Variants in SNPH observed in about 807,000 individuals in gnomAD.
The protein encoded by SNPH is syntaphilin.
A neutral mutation model predicts 36.8 loss-of-function variants in SNPH; 10 were observed. The ratio of observed to expected loss-of-function variants is 0.27; its 90% CI spans 0.17 to 0.46. The LOEUF (loss-of-function observed/expected upper bound fraction) is 0.46. Ranked by LOEUF, SNPH falls within the 20% of genes least tolerant of loss-of-function variation. The probability of loss-of-function intolerance (pLI) is 1.00; values close to 1 mark genes in which losing one functional copy is unlikely to be tolerated. For missense variants in SNPH, 622 were observed against 744.0 expected, an observed-to-expected ratio of 0.84 and a Z score of 1.91; for synonymous variants, 281 against 312.2, an observed-to-expected ratio of 0.90 and a Z score of 1.05.
At chr20:1,298,098 C>T (rs1180095619) in intron 5 of SNPH, among the ~76,000 whole-genome samples, 8 of 152,204 alleles carry the variant, frequency 5.3e-5, no homozygotes, top group Non-Finnish European at 8.8e-5. Context: ...GCTTCCCCAG[C>T]ATTGAAATAC....
intron 2 of SNPH, among the ~76,000 whole-genome samples, chr20:1,293,624 G>A (rs1188756821): frequency 6.6e-6 from 1 of 152,152 alleles, no homozygotes; most frequent in Non-Finnish European, 1.5e-5. Flanking sequence ...CTTTGGGCCT[G>A]GGTGGCTTCT....
At position 1,296,113 on chromosome 20, in the gene SNPH, A is replaced by G. The variant is rs772624356; in HGVS notation, c.-127A>G. ...CTGATTACTTTTAGCCACTCCTGAC[A>G]GTTGTGGTTTTAAGTTGGGTGGTGG... is the stretch of plus-strand genomic sequence containing the variant. On this transcript the variant is annotated 5_prime_UTR_variant, in exon 4 of 7. Coordinates refer to ENST00000381867, the MANE Select transcript of SNPH (RefSeq NM_001318234.2). The G allele has an allele frequency of 3.3e-5, 24 of 726,460 alleles. No individual in the cohort carries two copies. Among genetic ancestry groups the G allele is most frequent in the Non-Finnish European group, 5.1e-5 (24 of 466,576 alleles). The allele number at this position is 726,460 out of a possible 1,614,324, so 45.0% of individuals were successfully genotyped here.
At chr20:1,300,190 G>A (rs1325109530) in intron 5 of SNPH, among the ~76,000 whole-genome samples, 1 of 152,188 alleles carries the variant, frequency 6.6e-6, no homozygotes. Flanking sequence ...TAACCTCTCT[G>A]AGGCCAGCGG....
intron 4 of SNPH, 84 bp from the exon 5 acceptor site, chr20:1,297,061 C>T: frequency 6.7e-7 from 1 of 1,495,748 alleles, no homozygotes; most frequent in Non-Finnish European, 8.9e-7. Context: ...GCACTTTGGG[C>T]CGCAGCGGCC....
At position 1,298,846 on chromosome 20, in the gene SNPH, A is replaced by G. The variant is rs865931529; in HGVS notation, c.290+1594A>G. 4.3e-4 allele frequency among the ~76,000 whole-genome samples: 47 copies of G among 108,446 alleles called. 1 individual carries two copies. The East Asian group carries it at 8.8e-3, about 20-fold the overall frequency. 71.1% of individuals were successfully genotyped at this position (108,446 alleles called of 152,430 possible). ...TGTGTGTGTGTGTGTGTGTGTGTGT[A>G]TACATATTTTTTTTTTTACAAAGAG... On this transcript the variant is annotated intron_variant, in intron 5 of 6. Coordinates refer to ENST00000381867, the MANE Select transcript of SNPH (RefSeq NM_001318234.2).
chr20:1,287,289 C>T (rs750016115), intron 2 of SNPH, among the ~76,000 whole-genome samples: 44 of 152,346 alleles, frequency 2.9e-4, no homozygotes, highest in Middle Eastern at 3.4e-3. Context: ...TGTTTCAATG[C>T]ATATTTTATT....
chr20:1,280,585 G>A (rs184285762), intron 2 of SNPH, among the ~76,000 whole-genome samples: 18 of 152,298 alleles, frequency 1.2e-4, no homozygotes, highest in Admixed American at 1.0e-3. Flanking sequence ...GCAGACTGAG[G>A]GACCCAGAGG....
intron 2 of SNPH, among the ~76,000 whole-genome samples, chr20:1,288,732 C>G (rs2122344442): frequency 6.6e-6 from 1 of 151,960 alleles, no homozygotes; most frequent in East Asian, 1.9e-4. Context: ...AGATATTCTC[C>G]TGTCTCAGCA....
intron 2 of SNPH, among the ~76,000 whole-genome samples, chr20:1,284,369 G>C (rs2088260396): frequency 6.6e-6 from 1 of 152,156 alleles, no homozygotes. Context: ...GATTTATTGA[G>C]GGCCTGTGGT....
rs1383712976 is a variant in SNPH at position 1,306,037 on chromosome 20, G to A, written c.1600G>A (p.Gly534Ser). 8.1e-6 allele frequency: 12 copies of A among 1,477,628 alleles called. No homozygotes were observed. The East Asian group carries it at 1.5e-4, about 18-fold the overall frequency. 91.5% of individuals were successfully genotyped at this position (1,477,628 alleles called of 1,614,324 possible). ...CCAGCCGAGTCCCAGCCCAGCGGGC[G>A]GCGGCTCCCAGCTCTGAGGGGGCCC... ...LSQPSPSPAG[G>S]GSQL The change falls in exon 7 of 7, where the codon GGC becomes AGC. Residue 534 changes from glycine (G) to serine (S), a missense_variant. Coordinates refer to ENST00000381867, the MANE Select transcript of SNPH (RefSeq NM_001318234.2).
chr20:1,306,392 T>C lies in SNPH; in HGVS notation c.*338T>C. The C allele has an allele frequency of 4.2e-6, 1 of 238,186 alleles. No individual in the cohort carries two copies. Among genetic ancestry groups the C allele is most frequent in the Non-Finnish European group, 8.0e-6 (1 of 125,576 alleles). The allele number at this position is 238,186 out of a possible 1,614,324, so 14.8% of individuals were successfully genotyped here. On this transcript the variant is annotated 3_prime_UTR_variant, in exon 7 of 7. Transcript: ENST00000381867. ...CTGCTCAGGAAGTCTCTGGCTGTCT[T>C]CATGTGGGGAAGCCGGGCTTGAGTT... is the stretch of plus-strand genomic sequence containing the variant.
intron 2 of SNPH, among the ~76,000 whole-genome samples, chr20:1,267,154 C>G (rs1275907601): frequency 6.6e-6 from 1 of 151,568 alleles, no homozygotes; most frequent in Admixed American, 6.6e-5. Context: ...ACCCCCACCC[C>G]AAGGTCAAGT....
chr20:1,266,584 G>C lies in SNPH; in HGVS notation c.-599-70G>C. The stretch of plus-strand genomic sequence containing the variant: ...GCGGCCCAGCTGTCAGCGGCCGGGG[G>C]CTCAGCTGCCTGGGTGTTCCCCGCC... On this transcript the variant is annotated intron_variant, in intron 1 of 6. Coordinates refer to ENST00000381867, the MANE Select transcript of SNPH (RefSeq NM_001318234.2). This position sits in a 1 kb window ranked among gnomAD's most constrained non-coding sequence, Gnocchi z 6.0. The C allele has an allele frequency of 5.0e-6, 7 of 1,407,896 alleles. No homozygotes were observed. The highest frequency in any genetic ancestry group is 6.4e-6 in the Non-Finnish European group (7 of 1,088,094). 87.2% of individuals were successfully genotyped at this position (1,407,896 alleles called of 1,614,324 possible). A position where few individuals can be genotyped will look rare whatever the true frequency, so the allele number is the denominator to read the frequency against.
chr20:1,268,111 G>T (rs929599300), intron 2 of SNPH, among the ~76,000 whole-genome samples: 4 of 152,168 alleles, frequency 2.6e-5, no homozygotes, highest in Non-Finnish European at 4.4e-5. Flanking sequence ...CCCTGCCAGG[G>T]GTAATGAATG....
chr20:1,283,724 G>A (rs545110361), intron 2 of SNPH, among the ~76,000 whole-genome samples: 30 of 152,254 alleles, frequency 2.0e-4, no homozygotes, highest in Admixed American at 3.3e-4. Flanking sequence ...TTCCTACCCC[G>A]AAGGTAGGCA....
intron 2 of SNPH, among the ~76,000 whole-genome samples, chr20:1,283,812 T>A (rs746825020): frequency 6.6e-6 from 1 of 152,144 alleles, no homozygotes; most frequent in Non-Finnish European, 1.5e-5. Context: ...GGGGCTGTGA[T>A]AGCAAGAAGG....
Position 1,266,373 on chromosome 20 carries a change from G to A in SNPH, c.-624G>A. ...GCAATTCGGCGGCCCCTGCAGGGCA[G>A]CTGAAGCCATGGAAGCCTCCGCAGG... is the stretch of plus-strand genomic sequence containing the variant. On this transcript the variant is annotated 5_prime_UTR_variant, in exon 1 of 7. Transcript: ENST00000381867. This position sits in a 1 kb window ranked among gnomAD's most constrained non-coding sequence, Gnocchi z 6.0. 9.2e-6 allele frequency: 3 copies of A among 326,186 alleles called. No homozygotes were observed. Among genetic ancestry groups the A allele is most frequent in the Non-Finnish European group, 1.1e-5 (2 of 180,912 alleles). 20.2% of individuals were successfully genotyped at this position (326,186 alleles called of 1,614,324 possible). A position where few individuals can be genotyped will look rare whatever the true frequency, so the allele number is the denominator to read the frequency against.
Position 1,306,493 on chromosome 20 carries a change from C to T in SNPH, c.*439C>T. On this transcript the variant is annotated 3_prime_UTR_variant, in exon 7 of 7. Transcript: ENST00000381867. ...ATGCCGTCTCTTCCAAGCCACCTTG[C>T]CCGCAGCCCAGGCTCCTGGGCCAGT... 6.4e-6 allele frequency: 1 copy of T among 157,004 alleles called. No homozygotes were observed. The allele number at this position is 157,004 out of a possible 1,614,324, so 9.7% of individuals were successfully genotyped here. A position where few individuals can be genotyped will look rare whatever the true frequency, so the allele number is the denominator to read the frequency against.
At chr20:1,297,375 G>A (rs977549551) in intron 5 of SNPH, 123 bp downstream of exon 5, 11 of 789,278 alleles carry the variant, frequency 1.4e-5, no homozygotes, top group Admixed American at 2.6e-5. Flanking sequence ...GCCGCTGGCC[G>A]TGTGACCTTG....
Sources: gnomAD v4.1 joint callset for allele counts (sites outside exome capture counted in the v4.1 genomes callset) on GRCh38, gnomAD v4.1.1 for gene constraint, Gnocchi (gnomAD v3.1) non-coding constraint, MANE v1.5 for transcripts, NCBI Gene and HGNC (gene_info 2026-07-23, HGNC 2026-07-21) for gene names.